CELF2: variants seen among roughly 807,000 people sequenced by gnomAD.
The protein encoded by CELF2 is CUG triplet repeat RNA-binding protein 2.
In CELF2, 8 loss-of-function variants were observed where a neutral mutation model predicts 62.6. The ratio of observed to expected loss-of-function variants is 0.13; its 90% confidence interval spans 0.07 to 0.23. The LOEUF (loss-of-function observed/expected upper bound fraction) is 0.23. Ranked by LOEUF, CELF2 falls within the 10% of genes least tolerant of loss-of-function variation. The pLI is 1.00. For synonymous variants in CELF2, 258 were observed against 250.0 expected (o/e 1.03, Z -0.30); for missense variants, 333 against 671.0 (o/e 0.50, Z 5.56).
chr10:10,803,873 T>G (rs2054929028), intron 1 of CELF2, among the ~76,000 whole-genome samples: 1 of 152,192 alleles, frequency 6.6e-6, no homozygotes, highest in Non-Finnish European at 1.5e-5. Flanking sequence ...CTTATCCTAC[T>G]TTATACTCAC....
At chr10:11,266,219 A>C (rs2082153201) in intron 5 of CELF2, among the ~76,000 whole-genome samples, 1 of 152,216 alleles carries the variant, frequency 6.6e-6, no homozygotes, top group African/African-American at 2.4e-5. Flanking sequence ...TGATGTGTGA[A>C]TGCCCTCAGT....
In CELF2 at chr10:11,300,211, T is replaced by C. The variant is rs901291823; in HGVS notation, c.976+11659T>C. On this transcript the variant is annotated intron_variant, in intron 9 of 12. Transcript: ENST00000633077. This position sits in a 1 kb window ranked among gnomAD's most constrained non-coding sequence, Gnocchi z 5.5. ...GGAAACAGGACAGCTGCTTTGGACG[T>C]GAGGAGCAGGTGCTGGCCCCTCACT... is the stretch of plus-strand genomic sequence containing the variant. Among the ~76,000 whole-genome samples the C allele has an allele frequency of 6.6e-6, 1 of 152,206 alleles. No homozygotes were observed. Among genetic ancestry groups the C allele is most frequent in the African/African-American group, 2.4e-5 (1 of 41,456 alleles).
chr10:10,881,701 A>C (rs530971780), intron 1 of CELF2, among the ~76,000 whole-genome samples: 1 of 152,308 alleles, frequency 6.6e-6, no homozygotes, highest in East Asian at 1.9e-4. Flanking sequence ...GGTGTGTCTT[A>C]TACTGAAAGA....
At chr10:10,752,634 G>A in the CELF2 span, among the ~76,000 whole-genome samples, 1 of 141,758 alleles carries the variant, frequency 7.1e-6, no homozygotes, top group Non-Finnish European at 1.5e-5. Flanking sequence ...AGGTTGCAGT[G>A]AGCCGAGATT....
At chr10:11,174,222 A>G (rs1048917434) in intron 2 of CELF2, among the ~76,000 whole-genome samples, 1 of 151,990 alleles carries the variant, frequency 6.6e-6, no homozygotes, top group African/African-American at 2.4e-5. Flanking sequence ...ATTATGCTGT[A>G]CAGGAATTTG....
At chr10:10,910,510 C>T (rs567557878) in intron 1 of CELF2, among the ~76,000 whole-genome samples, 65 of 151,968 alleles carry the variant, frequency 4.3e-4, no homozygotes, top group Non-Finnish European at 8.4e-4. Context: ...GCCTGGCCAA[C>T]ATGGTGAAAC....
rs1486036737 is a variant in CELF2, at chr10:11,333,222, C to T, written c.*4169C>T. On this transcript the variant is annotated 3_prime_UTR_variant, in exon 13 of 13. Transcript: ENST00000633077. ...AAGAGAGGACATGAGGGGGAAAGTCCTTTTTGCCCTTCTCCAAAAAATAAC... is the reference window on the plus strand; with the variant it reads ...AAGAGAGGACATGAGGGGGAAAGTCTTTTTTGCCCTTCTCCAAAAAATAAC... 2.0e-5 allele frequency: 3 copies of T among 152,316 alleles called. No homozygotes were observed. The highest frequency in any genetic ancestry group is 7.2e-5 in the African/African-American group (3 of 41,502). 9.4% of individuals were successfully genotyped at this position (152,316 alleles called of 1,614,324 possible).
intron 1 of CELF2, among the ~76,000 whole-genome samples, chr10:10,814,650 C>T (rs1198068545): frequency 6.6e-6 from 1 of 152,178 alleles, no homozygotes; most frequent in Non-Finnish European, 1.5e-5. Flanking sequence ...TTTGAGCTGG[C>T]CCTGGGCCAA....
At chr10:10,976,817 C>T (rs543821346) in intron 2 of CELF2, among the ~76,000 whole-genome samples, 3 of 152,166 alleles carry the variant, frequency 2.0e-5, no homozygotes, top group Non-Finnish European at 4.4e-5. Flanking sequence ...TTCCCTCGAA[C>T]TAACTCAAAA....
In CELF2 at chr10:11,039,594, A is replaced by T. The variant is rs1383935728; in HGVS notation, c.74+21431A>T. Among the ~76,000 whole-genome samples, 1 of 152,184 alleles carries T rather than the reference A, an allele frequency of 6.6e-6. No individual in the cohort carries two copies. The highest frequency in any genetic ancestry group is 2.4e-5 in the African/African-American group (1 of 41,434). On this transcript the variant is annotated intron_variant, in intron 1 of 12. Coordinates refer to ENST00000633077, the MANE Select transcript of CELF2 (RefSeq NM_001326342.2). The surrounding 1 kb of genome is among the most constrained non-coding windows in gnomAD (Gnocchi z 4.1). Reference sequence around the variant, plus strand: ...ATTTTGTAAGCTTTACACGCTTCTAATGCATGTTACTGAAAACAAGTTCTT... The same window carrying T: ...ATTTTGTAAGCTTTACACGCTTCTATTGCATGTTACTGAAAACAAGTTCTT...
chr10:11,122,480 G>C (rs10905901), intron 1 of CELF2, among the ~76,000 whole-genome samples: 37,820 of 152,144 alleles, frequency 0.25, 4,754 homozygotes, highest in Middle Eastern at 0.31. Context: ...TCTTTGTGCT[G>C]CTTTTCAAAC....
upstream of CELF2, chr10:11,017,820 TG>T: frequency 2.5e-6 from 1 of 397,024 alleles, no homozygotes; most frequent in Non-Finnish European, 3.4e-6. This position sits in a 1 kb window ranked among gnomAD's most constrained non-coding sequence, Gnocchi z 5.5. Context: ...GGCCGCGCTC[TG>T]GGCCGGCGGG....
At chr10:11,141,605 G>C (rs1410901243) in intron 1 of CELF2, among the ~76,000 whole-genome samples, 2 of 152,176 alleles carry the variant, frequency 1.3e-5, no homozygotes, top group Non-Finnish European at 2.9e-5. Context: ...ACCTGGGGTG[G>C]GGAAGAATAC....
the CELF2 span, among the ~76,000 whole-genome samples, chr10:10,622,666 A>G: frequency 6.6e-6 from 1 of 151,998 alleles, no homozygotes; most frequent in Non-Finnish European, 1.5e-5. Context: ...AAAAAATAAA[A>G]CAAAATAAAG....
chr10:10,730,124 C>T, the CELF2 span, among the ~76,000 whole-genome samples: 66 of 152,230 alleles, frequency 4.3e-4, no homozygotes, highest in African/African-American at 1.4e-3. Flanking sequence ...TTTCCAATCT[C>T]TTGTAAATCC....
At position 10,823,968 on chromosome 10, in the gene CELF2, T is replaced by TGATA. The variant is rs112930348; in HGVS notation, c.53+25168_53+25171dup. ...TGAATGGATAGATAGATCTAGCAGA[T>TGATA]GATAGATAGATAGATAGATACATAG... On this transcript the variant is annotated intron_variant, in intron 1 of 13. Coordinates refer to the CELF2 transcript ENST00000636488. Among the ~76,000 whole-genome samples, 195 of 151,884 alleles carry TGATA rather than the reference T, an allele frequency of 1.3e-3. 8 individuals are homozygous for TGATA. In the South Asian group the frequency reaches 0.036, roughly 28 times the overall value.
intron 1 of CELF2, among the ~76,000 whole-genome samples, chr10:10,807,357 C>T (rs1233623505): frequency 6.6e-6 from 1 of 152,236 alleles, no homozygotes; most frequent in Non-Finnish European, 1.5e-5. Context: ...TGTATACCTT[C>T]ACTCCGTAAA....
chr10:11,074,252 A>G (rs2071136532), intron 1 of CELF2, among the ~76,000 whole-genome samples: 1 of 152,208 alleles, frequency 6.6e-6, no homozygotes, highest in Non-Finnish European at 1.5e-5. Flanking sequence ...AAGTTCAACT[A>G]TTATCCCATG....
the CELF2 span, among the ~76,000 whole-genome samples, chr10:10,721,648 C>G: frequency 6.6e-6 from 1 of 152,208 alleles, no homozygotes; most frequent in Non-Finnish European, 1.5e-5. Flanking sequence ...TTCCTCTGGA[C>G]TATAGACATA....
Sources: allele counts gnomAD v4.1 joint callset (sites outside exome capture counted in the v4.1 genomes callset), GRCh38; gene constraint gnomAD v4.1.1; non-coding constraint Gnocchi (gnomAD v3.1); transcripts MANE v1.5; gene names NCBI Gene and HGNC (gene_info 2026-07-23, HGNC 2026-07-21).